Variants in GRID1 observed in about 807,000 individuals in gnomAD.
The protein encoded by GRID1 is glutamate receptor ionotropic, delta-1.
GRID1 carries 28 observed loss-of-function variants against 98.0 expected under a neutral mutation model. That is an observed-to-expected ratio of 0.29 (90% CI 0.21 to 0.39). The LOEUF is 0.39. Among genes scored for constraint, GRID1 ranks in the 10% least tolerant of loss-of-function variants. The pLI, the probability that GRID1 is intolerant of heterozygous loss-of-function variation, is 1.00. For missense variants in GRID1, 1,111 were observed against 1,340.5 expected (o/e 0.83, Z 2.67); for synonymous variants, 553 against 538.5 (o/e 1.03, Z -0.37).
At chr10:85,692,646 G>A (rs769350392) in intron 12 of GRID1, among the ~76,000 whole-genome samples, 11 of 130,982 alleles carry the variant, frequency 8.4e-5, no homozygotes, top group African/African-American at 1.2e-4. Flanking sequence ...CAGCCTGTGC[G>A]ACAGAGTGAG....
chr10:85,877,545 C>G (rs561566374), intron 5 of GRID1, among the ~76,000 whole-genome samples: 2 of 152,346 alleles, frequency 1.3e-5, no homozygotes, highest in South Asian at 4.1e-4. Context: ...TCCAACAGAC[C>G]TCCAGCTGAG....
At position 85,864,852 on chromosome 10, in the gene GRID1, G is replaced by GC. The variant is rs1263900814; in HGVS notation, c.951+4157dup. Among the ~76,000 whole-genome samples, 3 of 152,110 alleles carry GC rather than the reference G, an allele frequency of 2.0e-5. No individual in the cohort carries two copies. The South Asian group carries it at 6.2e-4, about 32-fold the overall frequency. ...AGCATTTTATGGTAATACCACATTA[G>GC]CCCCCAAAGCTTAATTCAGGGATCC... On this transcript the variant is annotated intron_variant, in intron 6 of 15. Coordinates refer to ENST00000327946, the MANE Select transcript of GRID1 (RefSeq NM_017551.3).
At chr10:85,603,901 T>G (rs1018713888) in intron 15 of GRID1, among the ~76,000 whole-genome samples, 1 of 151,608 alleles carries the variant, frequency 6.6e-6, no homozygotes, top group African/African-American at 2.4e-5. Flanking sequence ...TGCAGGGGAG[T>G]TAGAAATATT....
intron 13 of GRID1, among the ~76,000 whole-genome samples, chr10:85,628,571 G>C (rs1842937649): frequency 6.6e-6 from 1 of 152,162 alleles, no homozygotes; most frequent in African/African-American, 2.4e-5. Flanking sequence ...ATGGAGAAAG[G>C]TGATGCAGAA....
At chr10:86,237,000 G>A (rs1846549882) in intron 2 of GRID1, among the ~76,000 whole-genome samples, 1 of 152,074 alleles carries the variant, frequency 6.6e-6, no homozygotes, top group South Asian at 2.1e-4. Context: ...CTAATTCCAT[G>A]GGCAGGCACG....
chr10:86,057,763 T>C (rs1843594553), intron 4 of GRID1, among the ~76,000 whole-genome samples: 1 of 152,152 alleles, frequency 6.6e-6, no homozygotes, highest in African/African-American at 2.4e-5. Flanking sequence ...ACCACATCTC[T>C]TTCTTTCTCC....
Position 86,138,877 on chromosome 10 carries a change from G to A in GRID1, c.668C>T (p.Thr223Met), listed in dbSNP as rs1405948467. 20 of 1,614,098 alleles carry A rather than the reference G, an allele frequency of 1.2e-5. No individual in the cohort carries two copies. The highest frequency in any genetic ancestry group is 1.2e-4 in the Admixed American group (7 of 60,010). ...GAGCAGCAGGATGGCGCGGCGAAGC[G>A]TGTCCCGGTAGCGATTCAGCTCCTC... is the stretch of plus-strand genomic sequence containing the variant. Reference protein sequence around the residue: ...KTEELNRYRDTLRRAILLLSP... With the variant: ...KTEELNRYRDMLRRAILLLSP... The change falls in exon 4 of 16, where the codon ACG (threonine) becomes ATG (methionine). Residue 223 changes from threonine to methionine, a missense_variant. Physicochemically the swap from Thr to Met is moderately conservative, Grantham distance 81 (BLOSUM62 -1). Around this residue, in one of 3 missense-constraint regions of GRID1, gnomAD observed 346 missense variants for 452.3 expected, o/e 0.76. Coordinates refer to ENST00000327946, the MANE Select transcript of GRID1 (RefSeq NM_017551.3).
chr10:85,736,068 G>GGGAAGGAAGGAGAGAAGGAA (rs755650172), intron 8 of GRID1, among the ~76,000 whole-genome samples: 3 of 115,750 alleles, frequency 2.6e-5, no homozygotes, highest in African/African-American at 1.1e-4. Flanking sequence ...GAAGGAGAGA[G>GGGAAGGAAGGAGAGAAGGAA]GGAAGGAAGG....
At chr10:85,943,879 C>T (rs562684405) in intron 4 of GRID1, among the ~76,000 whole-genome samples, 36 of 152,328 alleles carry the variant, frequency 2.4e-4, no homozygotes, top group African/African-American at 8.2e-4. Flanking sequence ...TCCCCAAGCC[C>T]GGAGTCTGGA....
chr10:86,080,675 T>C (rs1044240114), intron 4 of GRID1, among the ~76,000 whole-genome samples: 1 of 151,980 alleles, frequency 6.6e-6, no homozygotes, highest in African/African-American at 2.4e-5. Flanking sequence ...AAGCAAACTC[T>C]GACACAAGGA....
intron 4 of GRID1, among the ~76,000 whole-genome samples, chr10:86,051,590 T>C (rs1843503585): frequency 6.6e-6 from 1 of 151,410 alleles, no homozygotes; most frequent in South Asian, 2.1e-4. Flanking sequence ...AAACCCCTGC[T>C]ATAAAGATTT....
intron 5 of GRID1, among the ~76,000 whole-genome samples, chr10:85,878,085 A>C (rs1444402150): frequency 1.3e-5 from 2 of 152,204 alleles, no homozygotes; most frequent in Non-Finnish European, 2.9e-5. Flanking sequence ...GAATAAAAAG[A>C]AAGGAACAAA....
At position 85,845,456 on chromosome 10, in the gene GRID1, A is replaced by G. The variant is rs189960239; in HGVS notation, c.1233+9040T>C. Reference sequence around the variant, plus strand: ...ACTATATTCATGAATTAGGTTACTCAATATTGGTAAGACATTAACACTTCC... The same window carrying G: ...ACTATATTCATGAATTAGGTTACTCGATATTGGTAAGACATTAACACTTCC... On this transcript the variant is annotated intron_variant, in intron 8 of 15. Coordinates refer to ENST00000327946, the MANE Select transcript of GRID1 (RefSeq NM_017551.3). Among the ~76,000 whole-genome samples the G allele has an allele frequency of 5.3e-5, 8 of 152,358 alleles. No homozygotes were observed. The East Asian group carries it at 1.5e-3, about 29-fold the overall frequency.
chr10:85,782,583 CATT>C (rs1842390864), intron 8 of GRID1, among the ~76,000 whole-genome samples: 1 of 152,148 alleles, frequency 6.6e-6, no homozygotes, highest in Non-Finnish European at 1.5e-5. Flanking sequence ...AAAAGAATCT[CATT>C]GAAGAAGAGT....
intron 8 of GRID1, among the ~76,000 whole-genome samples, chr10:85,850,322 T>G (rs971056481): frequency 1.3e-5 from 2 of 152,204 alleles, no homozygotes; most frequent in Non-Finnish European, 2.9e-5. Flanking sequence ...AGGCAAGTCA[T>G]GCTTGTGGAG....
chr10:86,113,014 C>A (rs1844512595), intron 4 of GRID1, among the ~76,000 whole-genome samples: 1 of 152,170 alleles, frequency 6.6e-6, no homozygotes, highest in African/African-American at 2.4e-5. Context: ...CCAGCCTTTG[C>A]CAGAGACTAG....
intron 12 of GRID1, among the ~76,000 whole-genome samples, chr10:85,679,851 G>GTA (rs1486046672): frequency 5.3e-5 from 8 of 152,134 alleles, no homozygotes; most frequent in African/African-American, 1.9e-4. Context: ...ACACTCCAGC[G>GTA]CCTGCCCTGA....
intron 12 of GRID1, among the ~76,000 whole-genome samples, chr10:85,681,784 G>A (rs748367413): frequency 9.2e-5 from 14 of 152,096 alleles, no homozygotes; most frequent in Non-Finnish European, 1.9e-4. Flanking sequence ...CAAGCTGCCC[G>A]ATGGAGGGTC....
intron 4 of GRID1, among the ~76,000 whole-genome samples, chr10:86,123,535 T>A (rs1158481308): frequency 1.3e-5 from 2 of 152,198 alleles, no homozygotes; most frequent in Admixed American, 6.5e-5. Context: ...GTTTACCTAT[T>A]GGCACAAGGG....
Sources: allele counts gnomAD v4.1 joint callset (sites outside exome capture counted in the v4.1 genomes callset), GRCh38; gene constraint gnomAD v4.1.1; regional missense constraint gnomAD v4.1.1; transcripts MANE v1.5; gene names NCBI Gene and HGNC (gene_info 2026-07-23, HGNC 2026-07-21).